PPFIBP2: variants seen among roughly 807,000 people sequenced by gnomAD.
PPFIBP2 encodes liprin-beta-2.
PPFIBP2 carries 118 observed loss-of-function variants against 118.3 expected under a neutral mutation model. The observed-to-expected ratio is 1.00, with a 90% CI of 0.86 to 1.16. The LOEUF (loss-of-function observed/expected upper bound fraction) is 1.16. PPFIBP2 is among the 50% of genes most tolerant of loss of function. The pLI is 0.00. For missense variants in PPFIBP2, 1,195 were observed against 1,073.1 expected (o/e 1.11, Z -1.59); for synonymous variants, 414 against 397.4 (o/e 1.04, Z -0.50).
chr11:7,520,756 G>A lies in PPFIBP2; in HGVS notation c.-37+6635G>A, dbSNP rs73407366. Among the ~76,000 whole-genome samples, 1,461 of 152,178 alleles carry A rather than the reference G, an allele frequency of 9.6e-3. 30 individuals are homozygous for A. The highest frequency in any genetic ancestry group is 0.032 in the African/African-American group (1,333 of 41,524). On this transcript the variant is annotated intron_variant, in intron 1 of 23. Coordinates refer to ENST00000299492, the MANE Select transcript of PPFIBP2 (RefSeq NM_003621.5). ...ATTCCTGAGTCACTATTTTCCCTGCGTCCTTCTTCTTCAGAGGAGCTCCAC... is the reference window on the plus strand; with the variant it reads ...ATTCCTGAGTCACTATTTTCCCTGCATCCTTCTTCTTCAGAGGAGCTCCAC...
intron 2 of PPFIBP2, among the ~76,000 whole-genome samples, chr11:7,554,732 A>G: frequency 6.6e-6 from 1 of 151,970 alleles, no homozygotes; most frequent in Non-Finnish European, 1.5e-5. Flanking sequence ...GGACTATTAA[A>G]TGAAACTCCT....
the PPFIBP2 span, among the ~76,000 whole-genome samples, chr11:7,664,533 C>A: frequency 6.6e-6 from 1 of 152,192 alleles, no homozygotes; most frequent in Non-Finnish European, 1.5e-5. Flanking sequence ...TAGCTGACAA[C>A]CAACATGTCT....
At chr11:7,581,087 G>A (rs1857201877) in intron 3 of PPFIBP2, among the ~76,000 whole-genome samples, 1 of 152,244 alleles carries the variant, frequency 6.6e-6, no homozygotes, top group African/African-American at 2.4e-5. Flanking sequence ...CTTGGCTGTG[G>A]TTGCTGAGTG....
intron 3 of PPFIBP2, among the ~76,000 whole-genome samples, chr11:7,566,044 C>G (rs943074412): frequency 1.3e-5 from 2 of 151,812 alleles, no homozygotes; most frequent in Non-Finnish European, 2.9e-5. Flanking sequence ...AGATTTCACA[C>G]ACACACACAC....
intron 2 of PPFIBP2, among the ~76,000 whole-genome samples, chr11:7,552,165 C>T (rs144451329): frequency 6.6e-6 from 1 of 152,318 alleles, no homozygotes; most frequent in East Asian, 1.9e-4. Flanking sequence ...TGTTTGAAAA[C>T]CTAGCTCTAC....
intron 4 of PPFIBP2, among the ~76,000 whole-genome samples, chr11:7,594,737 T>C (rs1260684090): frequency 6.7e-6 from 1 of 150,152 alleles, no homozygotes; most frequent in Non-Finnish European, 1.5e-5. Context: ...ACCAGCATGG[T>C]GAAACCCTGT....
At chr11:7,655,890 G>A (rs1050479770), downstream of PPFIBP2, among the ~76,000 whole-genome samples, 1 of 152,182 alleles carries the variant, frequency 6.6e-6, no homozygotes, top group African/African-American at 2.4e-5. Flanking sequence ...CCTCTGCCCA[G>A]AGACATATGC....
At chr11:7,606,153 ACTGG>A in intron 5 of PPFIBP2, 1 of 1,051,906 alleles carries the variant, frequency 9.5e-7, no homozygotes, top group Non-Finnish European at 1.3e-6. Context: ...GGGGCAAAAT[ACTGG>A]CTTGGAAGCA....
chr11:7,630,348 G>A (rs1850594778), intron 10 of PPFIBP2, among the ~76,000 whole-genome samples: 1 of 152,150 alleles, frequency 6.6e-6, no homozygotes, highest in Non-Finnish European at 1.5e-5. Flanking sequence ...GTGTTACTCT[G>A]TCACCCAGGT....
At position 7,595,224 on chromosome 11, in the gene PPFIBP2, G is replaced by A. The variant is rs948530810; in HGVS notation, c.372+2000G>A. ...GTCTGTGCTCAAAAGGGTGGTGCGA[G>A]CTGCCTTTAGAAAGGTAGCAAGGGC... On this transcript the variant is annotated intron_variant, in intron 4 of 23. Coordinates refer to ENST00000299492, the MANE Select transcript of PPFIBP2 (RefSeq NM_003621.5). Among the ~76,000 whole-genome samples, 3 of 152,182 alleles carry A rather than the reference G, an allele frequency of 2.0e-5. No homozygotes were observed. The East Asian group carries it at 5.8e-4, about 29-fold the overall frequency.
chr11:7,660,157 T>C (rs1164335878), downstream of PPFIBP2, among the ~76,000 whole-genome samples: 7 of 127,664 alleles, frequency 5.5e-5, 1 homozygote, highest in Admixed American at 2.4e-4. Context: ...TCCTGCCTAA[T>C]TGCCCTGGCC....
downstream of PPFIBP2, chr11:7,657,028 C>T (rs939316315): frequency 2.9e-6 from 1 of 340,224 alleles, no homozygotes; most frequent in Non-Finnish European, 5.9e-6. Context: ...AGGCTTCATA[C>T]CTTTTGTACT....
At chr11:7,535,153 G>A (rs577741271) in intron 1 of PPFIBP2, among the ~76,000 whole-genome samples, 1 of 152,336 alleles carries the variant, frequency 6.6e-6, no homozygotes, top group East Asian at 1.9e-4. Flanking sequence ...CCTCCCATTG[G>A]GTCTTGCCCA....
rs572060285 is a variant in PPFIBP2 at position 7,637,667 on chromosome 11, A to C, written c.1237-2065A>C. Among the ~76,000 whole-genome samples, 7 of 152,298 alleles carry C rather than the reference A, an allele frequency of 4.6e-5. No individual in the cohort carries two copies. The East Asian group carries it at 7.7e-4, about 17-fold the overall frequency. On this transcript the variant is annotated intron_variant, in intron 14 of 23. Coordinates refer to ENST00000299492, the MANE Select transcript of PPFIBP2 (RefSeq NM_003621.5). ...GGATTGTTCTTTTTGGAGACAGGAG[A>C]AACAGAACTGGAGTTGAGCATCCTT... is the stretch of plus-strand genomic sequence containing the variant.
In PPFIBP2 at chr11:7,641,461, G is replaced by A. The variant is rs1018377597; in HGVS notation, c.1376-18G>A. On this transcript the variant is annotated intron_variant, in intron 15 of 23. Coordinates refer to ENST00000299492, the MANE Select transcript of PPFIBP2 (RefSeq NM_003621.5). Reference sequence around the variant, plus strand: ...TCACATCCTTACATTCACATTCATTGCCTTCTTCCAATCTCAGGAGACACA... The same window carrying A: ...TCACATCCTTACATTCACATTCATTACCTTCTTCCAATCTCAGGAGACACA... The A allele has an allele frequency of 6.2e-7, 1 of 1,613,386 alleles. No homozygotes were observed. The highest frequency in any genetic ancestry group is 1.3e-5 in the African/African-American group (1 of 74,876).
At chr11:7,536,668 C>A (rs974460783) in intron 1 of PPFIBP2, among the ~76,000 whole-genome samples, 10 of 152,048 alleles carry the variant, frequency 6.6e-5, no homozygotes, top group African/African-American at 2.2e-4. Context: ...GATTAGAGAT[C>A]CCAGGCGCAT....
chr11:7,558,851 T>C (rs1205938933), intron 2 of PPFIBP2, among the ~76,000 whole-genome samples: 4 of 152,190 alleles, frequency 2.6e-5, no homozygotes, highest in Non-Finnish European at 4.4e-5. Flanking sequence ...TAAATCTTCA[T>C]TAAATTTTGG....
intron 21 of PPFIBP2, among the ~76,000 whole-genome samples, chr11:7,650,475 C>A (rs1246239241): frequency 6.6e-6 from 1 of 152,192 alleles, no homozygotes; most frequent in Non-Finnish European, 1.5e-5. Context: ...CCAGGGAGAT[C>A]TTTCATCTAT....
At chr11:7,597,810 G>GTGTTTATACTCAGTTGTACA (rs1860643938) in intron 5 of PPFIBP2, 137 bp downstream of exon 5, 1 of 706,834 alleles carries the variant, frequency 1.4e-6, no homozygotes, top group South Asian at 1.7e-5. Context: ...TCAGTTGTAC[G>GTGTTTATACTCAGTTGTACA]GTGTTTATAC....
Sources: gnomAD v4.1 joint callset for allele counts (sites outside exome capture counted in the v4.1 genomes callset) on GRCh38, gnomAD v4.1.1 for gene constraint, MANE v1.5 for transcripts, NCBI Gene and HGNC (gene_info 2026-07-23, HGNC 2026-07-21) for gene names.